The following IMPACT variants were observed in gnomAD, a reference collection of about 807,000 sequenced individuals.
The protein encoded by IMPACT is protein IMPACT.
A neutral mutation model predicts 47.5 loss-of-function variants in IMPACT; 35 were observed. That is an observed-to-expected ratio of 0.74 (90% CI 0.56 to 0.98). The LOEUF (loss-of-function observed/expected upper bound fraction) is 0.98. Ranked by LOEUF, IMPACT falls within the 50% of genes least tolerant of loss-of-function variation. The pLI, the probability that IMPACT is intolerant of heterozygous loss-of-function variation, is 0.00. For missense variants in IMPACT, 373 were observed against 394.8 expected (o/e 0.94, Z 0.47); for synonymous variants, 118 against 125.6 (o/e 0.94, Z 0.40).
intron 4 of IMPACT, chr18:24,435,495 CT>C (rs1314136911): frequency 6.6e-6 from 1 of 152,130 alleles, no homozygotes; most frequent in African/African-American, 2.4e-5. Context: ...TTCTACATCT[CT>C]TCACATTTCG....
intron 5 of IMPACT, 118 bp downstream of exon 5, chr18:24,438,158 A>C: frequency 1.8e-6 from 1 of 563,226 alleles, no homozygotes; most frequent in Non-Finnish European, 3.1e-6. Flanking sequence ...TTTGTATATT[A>C]TAAAATACAA....
chr18:24,430,083 T>C (rs1320939560), intron 3 of IMPACT, among the ~76,000 whole-genome samples: 1 of 152,190 alleles, frequency 6.6e-6, no homozygotes, highest in African/African-American at 2.4e-5. Flanking sequence ...GGCCAATTTT[T>C]AAACCATTAA....
intron 8 of IMPACT, among the ~76,000 whole-genome samples, chr18:24,446,054 A>G (rs1156740072): frequency 5.3e-5 from 8 of 152,152 alleles, no homozygotes; most frequent in African/African-American, 1.9e-4. Flanking sequence ...CTCTTGATAT[A>G]TAGCCAAATT....
intron 4 of IMPACT, among the ~76,000 whole-genome samples, chr18:24,434,850 A>G (rs1908873662): frequency 7.4e-6 from 1 of 135,338 alleles, no homozygotes; most frequent in African/African-American, 3.1e-5. Flanking sequence ...ATATGTGTGT[A>G]TATATATGTG....
At chr18:24,444,827 A>G (rs1359625676) in intron 7 of IMPACT, among the ~76,000 whole-genome samples, 1 of 152,188 alleles carries the variant, frequency 6.6e-6, no homozygotes, top group African/African-American at 2.4e-5. Flanking sequence ...CTGTACTTTT[A>G]TTTGCTAAAT....
intron 6 of IMPACT, among the ~76,000 whole-genome samples, chr18:24,441,424 C>A (rs1183656077): frequency 6.6e-6 from 1 of 152,178 alleles, no homozygotes; most frequent in African/African-American, 2.4e-5. Flanking sequence ...AATGACCTAC[C>A]CACCTCATCC....
At chr18:24,442,139 A>AATTAGTG (rs1346349647) in intron 6 of IMPACT, among the ~76,000 whole-genome samples, 6 of 150,712 alleles carry the variant, frequency 4.0e-5, no homozygotes, top group Non-Finnish European at 7.4e-5. Context: ...ATTGAGGGTT[A>AATTAGTG]ATTAGTGATT....
At position 24,443,029 on chromosome 18, in the gene IMPACT, A is replaced by C. The variant is rs774392150; in HGVS notation, c.491-20A>C. The C allele has an allele frequency of 1.1e-5, 15 of 1,334,470 alleles. No homozygotes were observed. The East Asian group carries it at 3.5e-4, about 31-fold the overall frequency. The allele number at this position is 1,334,470 out of a possible 1,614,324, so 82.7% of individuals were successfully genotyped here. A position where few individuals can be genotyped will look rare whatever the true frequency, so the allele number is the denominator to read the frequency against. On this transcript the variant is annotated intron_variant, in intron 6 of 10. Coordinates refer to ENST00000284202, the MANE Select transcript of IMPACT (RefSeq NM_018439.4). ...GAATGTAAGGCTTTTTAAAAAATAA[A>C]GTTTCTTTTACATTTCTAGAAGTAG...
rs778296459 is a variant in IMPACT at position 24,448,083 on chromosome 18, G to A, written c.669-10G>A. On this transcript the variant is annotated splice_polypyrimidine_tract_variant and intron_variant, in intron 8 of 10. Coordinates refer to ENST00000284202, the MANE Select transcript of IMPACT (RefSeq NM_018439.4). The stretch of plus-strand genomic sequence containing the variant: ...GTTTCAAAGTGTAATACTCTTACAT[G>A]TATTTGCAGAATATATTGTGAGGAT... 1.3e-6 allele frequency: 2 copies of A among 1,545,904 alleles called. No homozygotes were observed. The highest frequency in any genetic ancestry group is 2.2e-5 in the East Asian group (1 of 44,506).
intron 6 of IMPACT, 36 bp from the exon 7 acceptor site, chr18:24,443,013 G>C (rs775909565): frequency 7.8e-6 from 9 of 1,153,902 alleles, no homozygotes; most frequent in African/African-American, 6.2e-5. Context: ...TGAATGTAAG[G>C]CTTTTTAAAA....
At chr18:24,445,146 T>C (rs991325091) in intron 7 of IMPACT, among the ~76,000 whole-genome samples, 1 of 152,228 alleles carries the variant, frequency 6.6e-6, no homozygotes, top group African/African-American at 2.4e-5. Context: ...TTTGACATAG[T>C]AGTACCGAAA....
intron 9 of IMPACT, 130 bp downstream of exon 9, chr18:24,448,313 A>G: frequency 2.0e-6 from 1 of 510,278 alleles, no homozygotes; most frequent in Non-Finnish European, 3.5e-6. Context: ...TTTAATTAGT[A>G]GTTGATGTTA....
Position 24,428,902 on chromosome 18 carries a change from C to A in IMPACT, c.199C>A (p.Pro67Thr), listed in dbSNP as rs1401627052. 1 of 1,610,292 alleles carries A rather than the reference C, an allele frequency of 6.2e-7. No homozygotes were observed. The highest frequency in any genetic ancestry group is 1.3e-5 in the African/African-American group (1 of 74,758). ...GCCGAATGAATACCCAGGTACAGCTCCACCTATCTACCAGTTGAAGTAAGC... is the reference window on the plus strand; with the variant it reads ...GCCGAATGAATACCCAGGTACAGCTACACCTATCTACCAGTTGAAGTAAGC... Reference protein sequence around the residue: ...MLPNEYPGTAPPIYQLNAPWL... With the variant: ...MLPNEYPGTATPIYQLNAPWL... Residue 67 changes from proline to threonine, a missense_variant, in exon 3 of 11, where the codon CCA becomes ACA. Transcript: ENST00000284202.
intron 8 of IMPACT, among the ~76,000 whole-genome samples, chr18:24,446,574 A>G (rs1909255405): frequency 6.6e-6 from 1 of 152,214 alleles, no homozygotes; most frequent in South Asian, 2.1e-4. Context: ...ACTTGGTGTA[A>G]ATTTAAAATG....
At position 24,451,047 on chromosome 18, in the gene IMPACT, G is replaced by T; in HGVS notation, c.*200G>T. Reference sequence around the variant, plus strand: ...TATGATCTATTCATGTGTGTTTCAGGCTTATTTGGGAGAACTAATTTGAAC... The same window carrying T: ...TATGATCTATTCATGTGTGTTTCAGTCTTATTTGGGAGAACTAATTTGAAC... On this transcript the variant is annotated 3_prime_UTR_variant, in exon 11 of 11. Coordinates refer to ENST00000284202, the MANE Select transcript of IMPACT (RefSeq NM_018439.4). The T allele has an allele frequency of 2.6e-6, 1 of 391,158 alleles. No individual in the cohort carries two copies. The highest frequency in any genetic ancestry group is 6.4e-5 in the South Asian group (1 of 15,738). 24.2% of individuals were successfully genotyped at this position (391,158 alleles called of 1,614,324 possible).
At chr18:24,438,068 CTT>C (rs774317815) in intron 5 of IMPACT, 28 bp downstream of exon 5, 7 of 989,352 alleles carry the variant, frequency 7.1e-6, no homozygotes, top group Non-Finnish European at 7.8e-6. Context: ...TATCAATACT[CTT>C]TTAACTTATA....
At chr18:24,428,450 G>T (rs533158347) in intron 2 of IMPACT, among the ~76,000 whole-genome samples, 1 of 152,310 alleles carries the variant, frequency 6.6e-6, no homozygotes, top group Admixed American at 6.5e-5. Context: ...TCAATGATCA[G>T]TTGTAGTTAG....
In IMPACT at chr18:24,428,884, GA is replaced by G; in HGVS notation, c.183del (p.Glu61AspfsTer12). On this transcript the variant is annotated frameshift_variant, in exon 3 of 11. Transcript: ENST00000284202. LOFTEE classifies it high-confidence loss of function. ...TGCATTGTAGGTGATGCTGCCGAATGAATACCCAGGTACAGCTCCACCTATC... is the reference window on the plus strand; with the variant it reads ...TGCATTGTAGGTGATGCTGCCGAATGATACCCAGGTACAGCTCCACCTATC... ...TLCLQVMLPNEYPGTAPPIYQ... is the reference protein window; with the variant it reads ...TLCLQVMLPNXYPGTAPPIYQ... The G allele has an allele frequency of 6.2e-7, 1 of 1,611,958 alleles. No individual in the cohort carries two copies.
intron 9 of IMPACT, among the ~76,000 whole-genome samples, 153 bp from the exon 10 acceptor site, chr18:24,449,666 C>T (rs1340985036): frequency 1.3e-5 from 2 of 152,170 alleles, no homozygotes; most frequent in Admixed American, 6.5e-5. Context: ...AGTAATCTCA[C>T]TCAGTGCCTA....
Sources: gnomAD v4.1 joint callset for allele counts (sites outside exome capture counted in the v4.1 genomes callset) on GRCh38, gnomAD v4.1.1 for gene constraint, MANE v1.5 for transcripts, NCBI Gene and HGNC (gene_info 2026-07-23, HGNC 2026-07-21) for gene names.